Variants in PRDM6 observed in about 807,000 individuals in gnomAD.
PRDM6 encodes the protein putative histone-lysine N-methyltransferase PRDM6.
A neutral mutation model predicts 60.8 loss-of-function variants in PRDM6; 25 were observed. That is an observed-to-expected ratio of 0.41 (90% CI 0.30 to 0.57). PRDM6 has a LOEUF of 0.57. Ranked by LOEUF, PRDM6 falls within the 20% of genes least tolerant of loss-of-function variation. PRDM6 has a pLI of 0.27. For missense variants in PRDM6, 839 were observed against 821.3 expected (o/e 1.02, Z -0.26); for synonymous variants, 407 against 357.4 (o/e 1.14, Z -1.57).
chr5:123,172,601 G>T (rs1020811594), intron 6 of PRDM6, among the ~76,000 whole-genome samples: 1 of 152,144 alleles, frequency 6.6e-6, no homozygotes, highest in South Asian at 2.1e-4. Context: ...AAGCATTTTA[G>T]TAGTCTTTAA....
intron 3 of PRDM6, among the ~76,000 whole-genome samples, chr5:123,135,293 G>A (rs1418672990): frequency 6.6e-6 from 1 of 152,206 alleles, no homozygotes; most frequent in Non-Finnish European, 1.5e-5. Flanking sequence ...TGAAGGTTTA[G>A]AAACCAGCAA....
chr5:123,106,402 G>T (rs536837849), intron 3 of PRDM6, among the ~76,000 whole-genome samples: 1 of 152,276 alleles, frequency 6.6e-6, no homozygotes, highest in East Asian at 1.9e-4. Context: ...GTGTGGCCGG[G>T]CCTCCTGACT....
intron 5 of PRDM6, among the ~76,000 whole-genome samples, chr5:123,165,782 A>G (rs4836483): frequency 0.28 from 42,968 of 152,012 alleles, 6,522 homozygotes; most frequent in East Asian, 0.59. Context: ...GTAGCACACT[A>G]TATACACTGT....
intron 3 of PRDM6, among the ~76,000 whole-genome samples, chr5:123,151,593 A>C (rs1159689210): frequency 6.6e-6 from 1 of 152,148 alleles, no homozygotes; most frequent in Non-Finnish European, 1.5e-5. Flanking sequence ...TTCCTTCTGT[A>C]TAAATGGATG....
At chr5:123,103,199 T>C (rs1299045209) in intron 3 of PRDM6, among the ~76,000 whole-genome samples, 1 of 151,980 alleles carries the variant, frequency 6.6e-6, no homozygotes, top group Non-Finnish European at 1.5e-5. Flanking sequence ...AAGAGAGTTG[T>C]TTTTTCTTTT....
chr5:123,140,323 A>G (rs898436014), intron 3 of PRDM6, among the ~76,000 whole-genome samples: 1 of 151,956 alleles, frequency 6.6e-6, no homozygotes, highest in Non-Finnish European at 1.5e-5. Flanking sequence ...GATGGAATAT[A>G]TATTTGTTTG....
rs1580469607 is a variant in PRDM6, at chr5:123,090,617, G to T, written c.592+11G>T. On this transcript the variant is annotated intron_variant, in intron 2 of 7. Coordinates refer to ENST00000407847, the MANE Select transcript of PRDM6 (RefSeq NM_001136239.4). ...GCGACCCCAACAACCGTACGTAGCC[G>T]CAGCCCGCGCGCTCTCTCCCGGGGC... 6.8e-7 allele frequency: 1 copy of T among 1,473,168 alleles called. No individual in the cohort carries two copies. Among genetic ancestry groups the T allele is most frequent in the Admixed American group, 2.1e-5 (1 of 47,790 alleles). The allele number at this position is 1,473,168 out of a possible 1,614,324, so 91.3% of individuals were successfully genotyped here.
intron 2 of PRDM6, among the ~76,000 whole-genome samples, chr5:123,095,220 G>GA (rs1763929918): frequency 6.6e-6 from 1 of 152,250 alleles, no homozygotes. Flanking sequence ...GTGCAGTGGG[G>GA]ACGTCGGATC....
At chr5:123,132,895 T>C (rs1391379906) in intron 3 of PRDM6, among the ~76,000 whole-genome samples, 2 of 152,144 alleles carry the variant, frequency 1.3e-5, no homozygotes, top group Non-Finnish European at 2.9e-5. Flanking sequence ...ATCTTTACAG[T>C]TGTTGAAATT....
At chr5:123,159,385 T>G in intron 4 of PRDM6, 129 bp from the exon 5 acceptor site, 1 of 1,009,530 alleles carries the variant, frequency 9.9e-7, no homozygotes. Context: ...ATCAGTTGGA[T>G]GTAAATTTAT....
rs869121173 is a variant in PRDM6 at position 123,155,284 on chromosome 5, T to TTG, written c.901-600_901-599insTG. ...TCTCTTTTTTTTTTTTTTTTTTTTT[T>TTG]AATGACTCCTCTCCTACTAGTTTCA... On this transcript the variant is annotated intron_variant, in intron 3 of 7. Transcript: ENST00000407847. Among the ~76,000 whole-genome samples the TTG allele has an allele frequency of 1.1e-4, 15 of 140,332 alleles. 1 individual carries two copies. Among genetic ancestry groups the TTG allele is most frequent in the Non-Finnish European group, 1.6e-5 (1 of 63,018 alleles). The allele number at this position is 140,332 out of a possible 152,430, so 92.1% of individuals were successfully genotyped here. A position where few individuals can be genotyped will look rare whatever the true frequency, so the allele number is the denominator to read the frequency against.
intron 3 of PRDM6, among the ~76,000 whole-genome samples, chr5:123,145,692 A>G (rs1041369643): frequency 5.3e-5 from 8 of 152,030 alleles, no homozygotes; most frequent in Non-Finnish European, 1.0e-4. Flanking sequence ...CACTGTCCCA[A>G]CGTGACATAA....
intron 6 of PRDM6, among the ~76,000 whole-genome samples, chr5:123,175,106 T>C (rs773647341): frequency 3.8e-4 from 58 of 152,158 alleles, no homozygotes; most frequent in Non-Finnish European, 5.4e-4. Context: ...AGCACTCCCA[T>C]TGGGGGCAGT....
chr5:123,161,655 A>G (rs907403833), intron 5 of PRDM6, among the ~76,000 whole-genome samples: 1 of 152,190 alleles, frequency 6.6e-6, no homozygotes, highest in African/African-American at 2.4e-5. Flanking sequence ...AGAGGTCAGC[A>G]TGGGTGCGGC....
intron 3 of PRDM6, among the ~76,000 whole-genome samples, chr5:123,147,308 A>AGAGAGAGAGAGAG (rs1561853193): frequency 6.7e-6 from 1 of 148,722 alleles, no homozygotes; most frequent in African/African-American, 2.6e-5. Flanking sequence ...AGAGAGAGAG[A>AGAGAGAGAGAGAG]AAACGAACAA....
chr5:123,159,373 C>A, intron 4 of PRDM6, 141 bp from the exon 5 acceptor site: 1 of 885,706 alleles, frequency 1.1e-6, no homozygotes, highest in Non-Finnish European at 1.7e-6. Context: ...TTGCTGGGGA[C>A]AATCAGTTGG....
intron 5 of PRDM6, among the ~76,000 whole-genome samples, chr5:123,164,592 G>A (rs953201624): frequency 3.9e-5 from 6 of 152,158 alleles, no homozygotes; most frequent in African/African-American, 7.2e-5. Flanking sequence ...AAGTCACTCC[G>A]CAGGGATGCT....
At chr5:123,173,423 C>A (rs1471158354) in intron 6 of PRDM6, 13 of 166,916 alleles carry the variant, frequency 7.8e-5, no homozygotes, top group Non-Finnish European at 1.2e-4. Flanking sequence ...TTATCATGGA[C>A]CCTGATGGGC....
Sources: allele counts gnomAD v4.1 joint callset (sites outside exome capture counted in the v4.1 genomes callset), GRCh38; gene constraint gnomAD v4.1.1; transcripts MANE v1.5; gene names NCBI Gene and HGNC (gene_info 2026-07-23, HGNC 2026-07-21).